The following SLC15A3 variants were observed in gnomAD, a reference collection of about 807,000 sequenced individuals.
SLC15A3 encodes the protein solute carrier family 15 member 3.
Under a neutral mutation model 49.2 loss-of-function variants are expected in SLC15A3, and 39 were observed. The observed-to-expected ratio is 0.79, with a 90% confidence interval of 0.61 to 1.04. SLC15A3 has a LOEUF of 1.04. Among genes scored for constraint, SLC15A3 ranks in the 50% least tolerant of loss-of-function variants. SLC15A3 has a pLI of 0.00. For missense variants in SLC15A3, 758 were observed against 794.8 expected (o/e 0.95, Z 0.56); for synonymous variants, 339 against 367.0 (o/e 0.92, Z 0.87).
Position 60,948,259 on chromosome 11 carries a change from C to G in SLC15A3, c.559-1438G>C, listed in dbSNP as rs371921952. On this transcript the variant is annotated intron_variant, in intron 1 of 7. Transcript: ENST00000227880. ...GGCATACCAGCTCACTGATAATTCT[C>G]GCTCTAGACTTTCAAGCAGAAAATT... Among the ~76,000 whole-genome samples, 6 of 152,304 alleles carry G rather than the reference C, an allele frequency of 3.9e-5. No homozygotes were observed. The South Asian group carries it at 1.2e-3, about 32-fold the overall frequency.
At chr11:60,949,571 A>AG (rs5792211) in intron 1 of SLC15A3, among the ~76,000 whole-genome samples, 10 of 151,600 alleles carry the variant, frequency 6.6e-5, no homozygotes, top group African/African-American at 2.4e-4. Context: ...AAAGAAAGAA[A>AG]AGAGATGGCC....
In SLC15A3 at chr11:60,951,543, C is replaced by G. The variant is rs1590646941; in HGVS notation, c.9G>C (p.Ala3=). The change falls in exon 1 of 8, where the codon GCG becomes GCC. Residue 3 remains alanine (A), a synonymous_variant. Transcript: ENST00000227880. ...CGCGGGGCTGCTCCCGGGCGCGCGG[C>G]GCGGGCATCCTGGCTCCGGGCTGGG... MP[A]PRAREQPRVP... is the part of the protein sequence containing the mutation. 8.8e-7 allele frequency: 1 copy of G among 1,141,136 alleles called. No homozygotes were observed. The highest frequency in any genetic ancestry group is 1.6e-5 in the African/African-American group (1 of 60,960). The allele number at this position is 1,141,136 out of a possible 1,614,324, so 70.7% of individuals were successfully genotyped here.
chr11:60,942,128 G>T lies in SLC15A3; in HGVS notation c.1014C>A (p.Val338=), dbSNP rs766928130. 3 of 1,613,736 alleles carry T rather than the reference G, an allele frequency of 1.9e-6. No individual in the cohort carries two copies. In the Admixed American group the frequency reaches 5.0e-5, roughly 27 times the overall value. Residue 338 remains valine (V), a synonymous_variant, in exon 4 of 8, where the codon GTC becomes GTA. Transcript: ENST00000227880. ...MVYFQMQSTY[V]LQGLHLHIPN... ...GGATGTGGAGGTGAAGACCCTGCAG[G>T]ACATAGGTGGACTGCATCTGCCAAG... is the stretch of plus-strand genomic sequence containing the variant.
chr11:60,939,706 G>C (rs1271922312), intron 5 of SLC15A3, 68 bp from the exon 6 acceptor site: 7 of 1,557,040 alleles, frequency 4.5e-6, no homozygotes, highest in Middle Eastern at 3.4e-4. Context: ...AGAAGAGCTT[G>C]TACATGGTGG....
At chr11:60,940,041 T>C (rs1856688362) in intron 5 of SLC15A3, 1 of 186,324 alleles carries the variant, frequency 5.4e-6, no homozygotes, top group Admixed American at 5.3e-5. Context: ...TGAGCTCTGG[T>C]ATGTCTGGTT....
Position 60,951,584 on chromosome 11 carries a change from C to T in SLC15A3, c.-33G>A. 1 of 1,041,846 alleles carries T rather than the reference C, an allele frequency of 9.6e-7. No homozygotes were observed. The allele number at this position is 1,041,846 out of a possible 1,614,324, so 64.5% of individuals were successfully genotyped here. ...CCGGGCTGGGCCCCCCGCGGCTCTT[C>T]TCTCCTCTCCTCTCCCCGCCTCAGA... is the stretch of plus-strand genomic sequence containing the variant. On this transcript the variant is annotated 5_prime_UTR_variant, in exon 1 of 8. Transcript: ENST00000227880.
chr11:60,939,224 C>G (rs1856674149), intron 6 of SLC15A3, among the ~76,000 whole-genome samples: 2 of 152,314 alleles, frequency 1.3e-5, no homozygotes, highest in South Asian at 4.1e-4. Flanking sequence ...GAACCTGGCA[C>G]CAGGGGAATA....
At chr11:60,945,539 C>G (rs373626197) in intron 2 of SLC15A3, among the ~76,000 whole-genome samples, 20 of 152,200 alleles carry the variant, frequency 1.3e-4, no homozygotes, top group African/African-American at 4.6e-4. Context: ...AACTTACAAA[C>G]CTCTAGCAAT....
intron 6 of SLC15A3, 62 bp from the exon 7 acceptor site, chr11:60,938,087 C>A (rs566219710): frequency 4.5e-6 from 7 of 1,548,170 alleles, no homozygotes; most frequent in Non-Finnish European, 5.2e-6. Flanking sequence ...CAGGCCCAGG[C>A]CCCTGCTTGC....
intron 1 of SLC15A3, among the ~76,000 whole-genome samples, chr11:60,950,579 G>T (rs1448602709): frequency 1.3e-5 from 2 of 151,388 alleles, no homozygotes; most frequent in Non-Finnish European, 2.9e-5. Context: ...CCTGAGGTCA[G>T]GAGTTCAAGA....
At chr11:60,942,207 G>T in intron 3 of SLC15A3, 62 bp from the exon 4 acceptor site, 1 of 1,432,584 alleles carries the variant, frequency 7.0e-7, no homozygotes, top group South Asian at 1.2e-5. Flanking sequence ...CCAACTCCTA[G>T]GTGGCATTCC....
At chr11:60,949,842 C>T (rs1243548729) in intron 1 of SLC15A3, among the ~76,000 whole-genome samples, 1 of 152,220 alleles carries the variant, frequency 6.6e-6, no homozygotes, top group African/African-American at 2.4e-5. Flanking sequence ...AGTTTCCTTT[C>T]GTTGACACCT....
intron 1 of SLC15A3, among the ~76,000 whole-genome samples, chr11:60,950,158 T>C (rs759512862): frequency 9.9e-5 from 15 of 152,196 alleles, no homozygotes; most frequent in Non-Finnish European, 1.5e-4. Flanking sequence ...TTCTTGCCCA[T>C]GTGGCTCCAG....
In SLC15A3 at chr11:60,946,745, A is replaced by C. The variant is rs1856809027; in HGVS notation, c.635T>G (p.Leu212Arg). ...FYWSINLGAV[L>R]SLLVVAFIQQ... is the part of the protein sequence containing the mutation. ...AATAAACGCCACCACCAGCAGCGAC[A>C]GCACAGCACCCAGGTTGATGCTCCA... Residue 212 changes from leucine (L) to arginine (R), a missense_variant, in exon 2 of 8, where the codon CTG becomes CGG. Transcript: ENST00000227880. 6.2e-7 allele frequency: 1 copy of C among 1,614,108 alleles called. No homozygotes were observed. Among genetic ancestry groups the C allele is most frequent in the South Asian group, 1.1e-5 (1 of 91,090 alleles).
intron 1 of SLC15A3, 136 bp from the exon 2 acceptor site, chr11:60,946,957 C>G: frequency 1.1e-6 from 1 of 901,452 alleles, no homozygotes; most frequent in Non-Finnish European, 1.7e-6. Context: ...AGTCTCTGAT[C>G]ACAAACAGAT....
At position 60,950,031 on chromosome 11, in the gene SLC15A3, A is replaced by G. The variant is rs935891554; in HGVS notation, c.558+963T>C. 5.9e-5 allele frequency among the ~76,000 whole-genome samples: 9 copies of G among 152,370 alleles called. No individual in the cohort carries two copies. The East Asian group carries it at 1.5e-3, about 26-fold the overall frequency. ...TTGTTGGGCATTTACTCATTCATTT[A>G]GCAAATACTTATTAAATTTCTTCTA... On this transcript the variant is annotated intron_variant, in intron 1 of 7. Coordinates refer to ENST00000227880, the MANE Select transcript of SLC15A3 (RefSeq NM_016582.3).
chr11:60,949,854 G>A (rs977334806), intron 1 of SLC15A3, among the ~76,000 whole-genome samples: 1 of 152,192 alleles, frequency 6.6e-6, no homozygotes, highest in Non-Finnish European at 1.5e-5. Flanking sequence ...TTGACACCTC[G>A]TCTTTCCACA....
chr11:60,946,921 G>T, intron 1 of SLC15A3, 100 bp from the exon 2 acceptor site: 1 of 1,340,004 alleles, frequency 7.5e-7, no homozygotes, highest in Non-Finnish European at 1.0e-6. Flanking sequence ...TGGGTCAGTG[G>T]GTGGTGGGCG....
intron 7 of SLC15A3, 21 bp from the exon 8 acceptor site, chr11:60,937,394 A>G (rs1168183623): frequency 1.2e-6 from 2 of 1,613,818 alleles, no homozygotes; most frequent in East Asian, 2.2e-5. Flanking sequence ...GAGGGGTTAG[A>G]TTTGGGTCAG....
Sources: allele counts gnomAD v4.1 joint callset (sites outside exome capture counted in the v4.1 genomes callset), GRCh38; gene constraint gnomAD v4.1.1; transcripts MANE v1.5; gene names NCBI Gene and HGNC (gene_info 2026-07-23, HGNC 2026-07-21).